TRHDE: variants seen among roughly 807,000 people sequenced by gnomAD.
The protein encoded by TRHDE is thyrotropin-releasing hormone-degrading ectoenzyme.
In TRHDE, 72 loss-of-function variants were observed where a neutral mutation model predicts 125.7. The ratio of observed to expected loss-of-function variants is 0.57; its 90% CI spans 0.47 to 0.70. The LOEUF (loss-of-function observed/expected upper bound fraction) is 0.70. Ranked by LOEUF, TRHDE falls within the 30% of genes least tolerant of loss-of-function variation. The pLI, the probability that TRHDE is intolerant of heterozygous loss-of-function variation, is 0.00. For synonymous variants in TRHDE, 509 were observed against 509.1 expected (o/e 1.00, Z 0.00); for missense variants, 1,110 against 1,327.1 (o/e 0.84, Z 2.54).
chr12:72,299,841 A>G (rs910523943), intron 2 of TRHDE, among the ~76,000 whole-genome samples: 3 of 152,160 alleles, frequency 2.0e-5, no homozygotes, highest in African/African-American at 7.2e-5. Flanking sequence ...GCTGTTTTAT[A>G]AAGAAAAGGT....
chr12:72,633,980 G>T (rs1400042858), intron 15 of TRHDE, among the ~76,000 whole-genome samples: 2 of 152,060 alleles, frequency 1.3e-5, no homozygotes, highest in African/African-American at 4.8e-5. Context: ...GAGGAGGAGT[G>T]TCATTATCAA....
At chr12:72,252,125 TAA>T (rs1263502565) in intron 2 of TRHDE, among the ~76,000 whole-genome samples, 5 of 101,898 alleles carry the variant, frequency 4.9e-5, no homozygotes, top group African/African-American at 1.1e-4. Context: ...ACATTTTCCA[TAA>T]GTTTTTAATT....
At chr12:72,399,484 T>C (rs1872946146) in intron 3 of TRHDE, among the ~76,000 whole-genome samples, 1 of 152,168 alleles carries the variant, frequency 6.6e-6, no homozygotes, top group African/African-American at 2.4e-5. Context: ...GTGCTGCTTG[T>C]AAACATATAG....
intron 6 of TRHDE, among the ~76,000 whole-genome samples, chr12:72,540,699 G>A (rs1230432330): frequency 1.3e-5 from 2 of 151,564 alleles, no homozygotes; most frequent in Admixed American, 1.3e-4. Context: ...AAGGAACAGA[G>A]CTGATATGTT....
At chr12:72,139,777 C>G (rs1295610174) in intron 2 of TRHDE, among the ~76,000 whole-genome samples, 1 of 152,086 alleles carries the variant, frequency 6.6e-6, no homozygotes, top group Non-Finnish European at 1.5e-5. Context: ...CCCCAACCAA[C>G]CGAATGGACC....
At chr12:72,147,981 T>C (rs757190949) in intron 2 of TRHDE, 3 of 152,248 alleles carry the variant, frequency 2.0e-5, no homozygotes, top group Non-Finnish European at 4.4e-5. Context: ...TCTTAAACAA[T>C]AATGTTAATG....
chr12:72,144,921 A>T (rs1193189916), intron 2 of TRHDE, among the ~76,000 whole-genome samples: 1 of 152,142 alleles, frequency 6.6e-6, no homozygotes, highest in Non-Finnish European at 1.5e-5. Context: ...TCAGCCTTTC[A>T]TGCCTGTAGC....
intron 5 of TRHDE, among the ~76,000 whole-genome samples, chr12:72,491,564 C>T (rs761503180): frequency 6.6e-6 from 1 of 151,838 alleles, no homozygotes; most frequent in African/African-American, 2.4e-5. Flanking sequence ...AGACATGACG[C>T]ATTCAGCTTG....
At chr12:72,196,964 A>G (rs372305862) in intron 2 of TRHDE, among the ~76,000 whole-genome samples, 4 of 152,094 alleles carry the variant, frequency 2.6e-5, no homozygotes, top group Non-Finnish European at 5.9e-5. Context: ...GCCCACTCCA[A>G]TCAGATCAGT....
At chr12:72,521,070 C>T (rs1270309246) in intron 6 of TRHDE, among the ~76,000 whole-genome samples, 2 of 152,132 alleles carry the variant, frequency 1.3e-5, no homozygotes, top group Admixed American at 6.5e-5. Context: ...AAATTCTGCC[C>T]TGTGTGTGAT....
chr12:72,192,746 G>GGGACA (rs751527806), intron 2 of TRHDE, among the ~76,000 whole-genome samples: 1 of 152,046 alleles, frequency 6.6e-6, no homozygotes, highest in Non-Finnish European at 1.5e-5. Context: ...TACGTTAAAA[G>GGGACA]GGACAACACA....
At chr12:72,652,841 G>C (rs1874559256) in intron 16 of TRHDE, among the ~76,000 whole-genome samples, 175 bp from the exon 17 acceptor site, 1 of 151,760 alleles carries the variant, frequency 6.6e-6, no homozygotes, top group Admixed American at 6.6e-5. Context: ...AATACTATGA[G>C]TTTGATCCTC....
At position 72,260,359 on chromosome 12, in the gene TRHDE, T is replaced by G. The variant is rs1878921341; in HGVS notation, n.280-117636T>G. Among the ~76,000 whole-genome samples, 2 of 151,804 alleles carry G rather than the reference T, an allele frequency of 1.3e-5. 1 individual carries two copies. Among genetic ancestry groups the G allele is most frequent in the Admixed American group, 1.3e-4 (2 of 15,234 alleles). ...ACTTATTCAGGAAAAATGATACTTT[T>G]TTTTGGTAGGTAATCCTCTCTAAAA... On this transcript the variant is annotated intron_variant and non_coding_transcript_variant, in intron 2 of 4. Coordinates refer to the TRHDE transcript ENST00000548156.
chr12:72,298,321 C>T (rs935486476), intron 2 of TRHDE, among the ~76,000 whole-genome samples: 4 of 152,122 alleles, frequency 2.6e-5, no homozygotes, highest in Non-Finnish European at 5.9e-5. Context: ...ATCTTCCTTC[C>T]CTTATTCTTC....
intron 2 of TRHDE, among the ~76,000 whole-genome samples, chr12:72,178,535 A>G (rs1877034638): frequency 6.6e-6 from 1 of 152,134 alleles, no homozygotes; most frequent in Non-Finnish European, 1.5e-5. Flanking sequence ...TCTCAATAAC[A>G]GAGAGGAACA....
chr12:72,288,727 C>T (rs145350804), intron 2 of TRHDE, among the ~76,000 whole-genome samples: 9 of 152,086 alleles, frequency 5.9e-5, no homozygotes, highest in African/African-American at 2.2e-4. Flanking sequence ...AACAATTATG[C>T]TTGTTGCTAA....
chr12:72,088,762 G>T (rs1874724861), intron 1 of TRHDE, among the ~76,000 whole-genome samples: 1 of 151,818 alleles, frequency 6.6e-6, no homozygotes, highest in Admixed American at 6.6e-5. Context: ...GCATTGTAGG[G>T]CTCAGACTTT....
At chr12:72,393,223 C>T (rs1192522966) in intron 3 of TRHDE, among the ~76,000 whole-genome samples, 4 of 152,132 alleles carry the variant, frequency 2.6e-5, no homozygotes, top group Admixed American at 2.6e-4. Flanking sequence ...ATGCTTCAAA[C>T]TAAGATGGAA....
intron 2 of TRHDE, among the ~76,000 whole-genome samples, chr12:72,375,518 C>A (rs548575442): frequency 2.6e-5 from 4 of 152,222 alleles, no homozygotes; most frequent in Admixed American, 2.6e-4. Flanking sequence ...TGTGTTTCCA[C>A]CAAAAACAGG....
Sources: allele counts gnomAD v4.1 joint callset (sites outside exome capture counted in the v4.1 genomes callset), GRCh38; gene constraint gnomAD v4.1.1; transcripts MANE v1.5; gene names NCBI Gene and HGNC (gene_info 2026-07-23, HGNC 2026-07-21).